ALCAM: variants seen among roughly 807,000 people sequenced by gnomAD.
The protein encoded by ALCAM is CD166 antigen.
In ALCAM, 30 loss-of-function variants were observed where a neutral mutation model predicts 70.9. That is an observed-to-expected ratio of 0.42 (90% CI 0.32 to 0.57). The LOEUF is 0.57. Ranked by LOEUF, ALCAM falls within the 20% of genes least tolerant of loss-of-function variation. The pLI is 0.11. For missense variants in ALCAM, 591 were observed against 695.1 expected (o/e 0.85, Z 1.68); for synonymous variants, 249 against 242.5 (o/e 1.03, Z -0.25).
intron 1 of ALCAM, among the ~76,000 whole-genome samples, chr3:105,430,768 G>A (rs529753852): frequency 1.3e-5 from 2 of 152,188 alleles, no homozygotes; most frequent in African/African-American, 2.4e-5. Context: ...CCTTTTGAGT[G>A]TGGAGCATTT....
intron 1 of ALCAM, among the ~76,000 whole-genome samples, chr3:105,465,819 A>G (rs952103415): frequency 2.0e-5 from 3 of 151,406 alleles, no homozygotes; most frequent in Admixed American, 1.3e-4. Context: ...TCACAAAAGT[A>G]TCTATATTTC....
At chr3:105,552,778 A>G (rs559217161) in intron 14 of ALCAM, 193 bp downstream of exon 14, 13 of 1,399,964 alleles carry the variant, frequency 9.3e-6, no homozygotes, top group Middle Eastern at 2.4e-4. Context: ...ATGGCTTGGG[A>G]TACTGTTTCA....
intron 1 of ALCAM, among the ~76,000 whole-genome samples, chr3:105,474,239 T>C (rs572694961): frequency 6.6e-6 from 1 of 151,874 alleles, no homozygotes; most frequent in East Asian, 1.9e-4. Flanking sequence ...CTCCCATAAT[T>C]TTGAATTAAA....
At chr3:105,439,072 G>C (rs1559791814) in intron 1 of ALCAM, among the ~76,000 whole-genome samples, 1 of 152,180 alleles carries the variant, frequency 6.6e-6, no homozygotes, top group Admixed American at 6.5e-5. Flanking sequence ...GGGGGCCTTA[G>C]ACAGTGAGTA....
intron 14 of ALCAM, among the ~76,000 whole-genome samples, chr3:105,568,063 A>ATTTTTTTTTT (rs71111369): frequency 2.6e-5 from 3 of 116,954 alleles, no homozygotes; most frequent in Non-Finnish European, 3.6e-5. Context: ...ATTTTATTTT[A>ATTTTTTTTTT]TTTTTTTTTT....
intron 14 of ALCAM, among the ~76,000 whole-genome samples, chr3:105,564,815 G>C (rs1448033099): frequency 6.6e-6 from 1 of 152,234 alleles, no homozygotes; most frequent in Non-Finnish European, 1.5e-5. Context: ...GGAGGCCGAG[G>C]CAGGCAGATT....
chr3:105,406,650 C>A (rs955196593), intron 1 of ALCAM, among the ~76,000 whole-genome samples: 2 of 150,234 alleles, frequency 1.3e-5, no homozygotes, highest in Non-Finnish European at 3.0e-5. Flanking sequence ...GGAACAAAAA[C>A]AATCCAAATT....
intron 14 of ALCAM, among the ~76,000 whole-genome samples, chr3:105,554,663 T>C (rs550947211): frequency 2.0e-5 from 3 of 152,092 alleles, no homozygotes; most frequent in African/African-American, 7.2e-5. Flanking sequence ...CCATGGCATC[T>C]ATAGAAAATT....
chr3:105,457,564 ATT>A (rs959328103), intron 1 of ALCAM, among the ~76,000 whole-genome samples: 1 of 151,538 alleles, frequency 6.6e-6, no homozygotes, highest in African/African-American at 2.4e-5. Context: ...AAAAAAAAAA[ATT>A]TTTTTTTAAA....
At chr3:105,443,196 T>G (rs1008077483) in intron 1 of ALCAM, among the ~76,000 whole-genome samples, 1 of 152,212 alleles carries the variant, frequency 6.6e-6, no homozygotes, top group Non-Finnish European at 1.5e-5. Flanking sequence ...TTATGTGTAT[T>G]ACTTGGAAAA....
chr3:105,513,001 T>C (rs1468555026), intron 1 of ALCAM, among the ~76,000 whole-genome samples: 2 of 151,964 alleles, frequency 1.3e-5, no homozygotes. Flanking sequence ...AAATCTACTT[T>C]AAAACAAAAT....
chr3:105,476,445 A>G (rs544486135), intron 1 of ALCAM, among the ~76,000 whole-genome samples: 1 of 152,176 alleles, frequency 6.6e-6, no homozygotes, highest in Admixed American at 6.6e-5. Flanking sequence ...GTTTTTGCCT[A>G]AATTTATTAT....
intron 1 of ALCAM, among the ~76,000 whole-genome samples, chr3:105,410,279 T>G (rs1936353667): frequency 2.0e-5 from 3 of 152,036 alleles, no homozygotes; most frequent in Admixed American, 1.3e-4. Context: ...AAAGGCAGGT[T>G]GGCTAGGCCA....
At chr3:105,475,245 T>TTA (rs1938074580) in intron 1 of ALCAM, among the ~76,000 whole-genome samples, 1 of 151,948 alleles carries the variant, frequency 6.6e-6, no homozygotes, top group Non-Finnish European at 1.5e-5. Context: ...GGTTTTAAGT[T>TTA]TATAGTTTCC....
intron 6 of ALCAM, among the ~76,000 whole-genome samples, chr3:105,536,228 G>C (rs1939965777): frequency 6.6e-6 from 1 of 151,736 alleles, no homozygotes; most frequent in African/African-American, 2.4e-5. Context: ...CAAGTAGCTG[G>C]GATTAGAAGC....
chr3:105,506,391 A>G (rs970881255), intron 1 of ALCAM, among the ~76,000 whole-genome samples: 2 of 152,206 alleles, frequency 1.3e-5, no homozygotes, highest in African/African-American at 2.4e-5. Flanking sequence ...TCAGACAGTA[A>G]TACAAAGTAT....
intron 1 of ALCAM, among the ~76,000 whole-genome samples, chr3:105,374,806 C>G (rs1388399824): frequency 1.3e-5 from 2 of 152,196 alleles, no homozygotes; most frequent in East Asian, 3.9e-4. Context: ...GCATGAGCCA[C>G]TGCACCGAGC....
At chr3:105,531,911 G>C in intron 3 of ALCAM, 91 bp from the exon 4 acceptor site, 1 of 1,000,734 alleles carries the variant, frequency 1.0e-6, no homozygotes, top group Non-Finnish European at 1.6e-6. Context: ...CTTCTGTATT[G>C]AGTAAATGAA....
intron 1 of ALCAM, among the ~76,000 whole-genome samples, chr3:105,480,518 A>G (rs1371286389): frequency 6.6e-6 from 1 of 152,100 alleles, no homozygotes; most frequent in African/African-American, 2.4e-5. Flanking sequence ...TGGTTTGAGA[A>G]TGAAACAGAA....
Sources: allele counts gnomAD v4.1 joint callset (sites outside exome capture counted in the v4.1 genomes callset), GRCh38; gene constraint gnomAD v4.1.1; transcripts MANE v1.5; gene names NCBI Gene and HGNC (gene_info 2026-07-23, HGNC 2026-07-21).